The following FARP2 variants were observed in gnomAD, a reference collection of about 807,000 sequenced individuals.
FARP2 encodes FERM, ARH/RhoGEF and pleckstrin domain protein 2, also known as FERM, ARHGEF and pleckstrin domain-containing protein 2.
A neutral mutation model predicts 130.5 loss-of-function variants in FARP2; 111 were observed. The ratio of observed to expected loss-of-function variants is 0.85; its 90% confidence interval spans 0.73 to 1.00. The LOEUF (loss-of-function observed/expected upper bound fraction) is 1.00. Among genes scored for constraint, FARP2 ranks in the 50% least tolerant of loss-of-function variants. The pLI is 0.00. For missense variants in FARP2, 1,385 were observed against 1,346.3 expected, an observed-to-expected ratio of 1.03 and a Z score of -0.45; for synonymous variants, 504 against 516.9, an observed-to-expected ratio of 0.98 and a Z score of 0.34.
At chr2:241,400,164 G>T (rs548839784) in intron 2 of FARP2, among the ~76,000 whole-genome samples, 3 of 152,148 alleles carry the variant, frequency 2.0e-5, no homozygotes, top group Non-Finnish European at 2.9e-5. Context: ...GCAGTGCAGG[G>T]GCTCAGGTAG....
At chr2:241,381,619 G>A (rs947387565) in intron 2 of FARP2, among the ~76,000 whole-genome samples, 1 of 152,122 alleles carries the variant, frequency 6.6e-6, no homozygotes, top group Admixed American at 6.5e-5. Flanking sequence ...TCGGCCTCAC[G>A]TAAGGAAGCT....
At position 241,384,524 on chromosome 2, in the gene FARP2, C is replaced by T. The variant is rs560483202; in HGVS notation, c.183+11234C>T. On this transcript the variant is annotated intron_variant, in intron 2 of 26. Coordinates refer to ENST00000264042, the MANE Select transcript of FARP2 (RefSeq NM_014808.4). ...AGATGCAACTGATAAGTTCATGGAT[C>T]AATCTAAAATATATTTCTTTGAAAT... is the stretch of plus-strand genomic sequence containing the variant. Among the ~76,000 whole-genome samples the T allele has an allele frequency of 6.2e-4, 94 of 152,278 alleles. 1 individual carries two copies. Among genetic ancestry groups the T allele is most frequent in the African/African-American group, 2.2e-3 (90 of 41,562 alleles).
At chr2:241,466,701 AC>A in intron 17 of FARP2, 1 of 358,306 alleles carries the variant, frequency 2.8e-6, no homozygotes, top group Non-Finnish European at 3.1e-6. Flanking sequence ...CCCCCCCCCC[AC>A]CACCACCACC....
intron 17 of FARP2, chr2:241,465,492 G>C: frequency 1.9e-6 from 3 of 1,550,530 alleles, no homozygotes; most frequent in South Asian, 2.4e-5. Context: ...ATGTAGCAGG[G>C]GTCACAAAAA....
chr2:241,453,360 T>C (rs4675954), intron 13 of FARP2, among the ~76,000 whole-genome samples: 31,789 of 146,964 alleles, frequency 0.22, 3,787 homozygotes, highest in East Asian at 0.38. Flanking sequence ...CGGTGGCTCA[T>C]GCCTGTAATC....
chr2:241,490,598 C>T (rs1338693795), intron 22 of FARP2, among the ~76,000 whole-genome samples: 1 of 152,190 alleles, frequency 6.6e-6, no homozygotes, highest in East Asian at 1.9e-4. Context: ...GGCCAGGATG[C>T]AGGGGCCCCT....
At chr2:241,385,027 G>A (rs1280328648) in intron 2 of FARP2, among the ~76,000 whole-genome samples, 1 of 152,070 alleles carries the variant, frequency 6.6e-6, no homozygotes, top group African/African-American at 2.4e-5. Context: ...TTGTACATAA[G>A]TCCTAACATC....
chr2:241,435,089 T>G, intron 11 of FARP2, 59 bp downstream of exon 11: 36 of 975,628 alleles, frequency 3.7e-5, no homozygotes, highest in Non-Finnish European at 5.1e-5. Context: ...TTTAAATATA[T>G]ATATGGAGAG....
intron 23 of FARP2, 114 bp from the exon 24 acceptor site, chr2:241,491,402 C>T (rs1201356817): frequency 8.3e-7 from 1 of 1,209,248 alleles, no homozygotes; most frequent in Non-Finnish European, 1.2e-6. Flanking sequence ...GCTGGCCTAG[C>T]ACCAAGGGCT....
chr2:241,380,814 C>G (rs1352570235), intron 2 of FARP2, among the ~76,000 whole-genome samples: 2 of 152,064 alleles, frequency 1.3e-5, no homozygotes, highest in African/African-American at 4.8e-5. Flanking sequence ...CTTCAAATGT[C>G]TACATTCTTG....
At chr2:241,438,830 C>G (rs1189006036) in intron 12 of FARP2, among the ~76,000 whole-genome samples, 3 of 151,896 alleles carry the variant, frequency 2.0e-5, no homozygotes, top group African/African-American at 7.3e-5. Flanking sequence ...CGGGGTTTCA[C>G]TGTGTTAGCC....
intron 1 of FARP2, among the ~76,000 whole-genome samples, chr2:241,367,995 T>C (rs1164189965): frequency 3.3e-5 from 5 of 151,946 alleles, no homozygotes; most frequent in Non-Finnish European, 5.9e-5. Context: ...CATCCCCTAC[T>C]GTCAACATTT....
Position 241,441,423 on chromosome 2 carries a change from C to T in FARP2, c.1278C>T (p.Ser426=). ...PSGLPEFKDS[S]SSLTDPQVSY... ...GCCTGCCAGAGTTTAAGGACAGCAG[C>T]AGCTCCCTCACAGATCCCCAGGTTT... The change falls in exon 13 of 27, where the codon AGC becomes AGT. Residue 426 remains serine, a synonymous_variant. Transcript: ENST00000264042. 6.2e-7 allele frequency: 1 copy of T among 1,614,274 alleles called. No individual in the cohort carries two copies. The highest frequency in any genetic ancestry group is 8.5e-7 in the Non-Finnish European group (1 of 1,180,054).
intron 5 of FARP2, among the ~76,000 whole-genome samples, chr2:241,408,371 CAA>C (rs966306915): frequency 3.7e-5 from 5 of 135,108 alleles, no homozygotes; most frequent in Non-Finnish European, 4.8e-5. Context: ...GACTCCGTCT[CAA>C]AAAAAAAAAA....
intron 14 of FARP2, 54 bp from the exon 15 acceptor site, chr2:241,462,469 T>C: frequency 7.7e-7 from 1 of 1,291,540 alleles, no homozygotes; most frequent in East Asian, 2.3e-5. Flanking sequence ...TCCCTGAGCG[T>C]GGGAGGGTCC....
chr2:241,365,019 A>C (rs2061273690), intron 1 of FARP2, among the ~76,000 whole-genome samples: 1 of 152,208 alleles, frequency 6.6e-6, no homozygotes, highest in Non-Finnish European at 1.5e-5. Flanking sequence ...TTCGTTTTCA[A>C]GGCTGTAGTT....
Position 241,453,545 on chromosome 2 carries a change from C to T in FARP2, c.1412-3202C>T, listed in dbSNP as rs2063740716. 2.0e-5 allele frequency among the ~76,000 whole-genome samples: 3 copies of T among 151,586 alleles called. No homozygotes were observed. The South Asian group carries it at 6.2e-4, about 32-fold the overall frequency. Reference sequence around the variant, plus strand: ...GCTGAGGCAGGAGAATGGCATGAACCTGGGAGGCGGAGCTTGCAGTGAGCC... The same window carrying T: ...GCTGAGGCAGGAGAATGGCATGAACTTGGGAGGCGGAGCTTGCAGTGAGCC... On this transcript the variant is annotated intron_variant, in intron 13 of 26. Coordinates refer to ENST00000264042, the MANE Select transcript of FARP2 (RefSeq NM_014808.4).
intron 1 of FARP2, among the ~76,000 whole-genome samples, chr2:241,360,359 G>C (rs1322229425): frequency 6.6e-6 from 1 of 152,206 alleles, no homozygotes; most frequent in African/African-American, 2.4e-5. Flanking sequence ...TAGAAAGTGA[G>C]GCTGGGAGCG....
chr2:241,457,701 TGC>T, intron 14 of FARP2, among the ~76,000 whole-genome samples: 1 of 134,422 alleles, frequency 7.4e-6, no homozygotes, highest in Non-Finnish European at 1.6e-5. Flanking sequence ...TAAGGGAGGG[TGC>T]ACTAAGGACC....
Sources: gnomAD v4.1 joint callset for allele counts (sites outside exome capture counted in the v4.1 genomes callset) on GRCh38, gnomAD v4.1.1 for gene constraint, MANE v1.5 for transcripts, NCBI Gene and HGNC (gene_info 2026-07-23, HGNC 2026-07-21) for gene names.